Variants in IGF1 observed in about 807,000 individuals in gnomAD.
The protein encoded by IGF1 is insulin-like growth factor 1.
A neutral mutation model predicts 13.8 loss-of-function variants in IGF1; 4 were observed. That is an observed-to-expected ratio of 0.29 (90% confidence interval 0.14 to 0.66). IGF1 has a LOEUF of 0.66. Among genes scored for constraint, IGF1 ranks in the 30% least tolerant of loss-of-function variants. The probability of loss-of-function intolerance (pLI) is 0.78; values close to 1 mark genes in which losing one functional copy is unlikely to be tolerated. For synonymous variants in IGF1, 76 were observed against 72.6 expected (o/e 1.05, Z -0.23); for missense variants, 124 against 188.5 (o/e 0.66, Z 2.00).
rs186362454 is a variant in IGF1, at chr12:102,440,550, T to G, written c.221-20860A>C. On this transcript the variant is annotated intron_variant, in intron 2 of 3. Coordinates refer to ENST00000337514, the MANE Select transcript of IGF1 (RefSeq NM_000618.5). ...GACTAAAATCCAGGCCTCTGGCTCC[T>G]TATTCTACACTGTCTCCTTGCTACC... Among the ~76,000 whole-genome samples, 45 of 152,316 alleles carry G rather than the reference T, an allele frequency of 3.0e-4. No individual in the cohort carries two copies. The East Asian group carries it at 7.3e-3, about 25-fold the overall frequency.
intron 2 of IGF1, among the ~76,000 whole-genome samples, chr12:102,468,886 G>C (rs1320640269): frequency 6.6e-6 from 1 of 152,212 alleles, no homozygotes; most frequent in East Asian, 1.9e-4. Flanking sequence ...CACTGTGTCT[G>C]AATCTGTGGT....
intron 2 of IGF1, among the ~76,000 whole-genome samples, chr12:102,426,769 G>C (rs1876241277): frequency 6.6e-6 from 1 of 152,214 alleles, no homozygotes; most frequent in South Asian, 2.1e-4. Context: ...CCTGGGATGA[G>C]TGTGGTGAAA....
intron 2 of IGF1, among the ~76,000 whole-genome samples, chr12:102,429,224 A>T (rs942756497): frequency 2.0e-5 from 3 of 152,092 alleles, no homozygotes; most frequent in Admixed American, 2.0e-4. Context: ...GACTCATCAG[A>T]CCATTATTTC....
At position 102,419,709 on chromosome 12, in the gene IGF1, G is replaced by A. The variant is rs780475533; in HGVS notation, c.221-19C>T. ...GGCTTGTCTGCACAAATCAAACAGA[G>A]TGGCCTCATGTTAGGGTGCAATCTG... On this transcript the variant is annotated intron_variant, in intron 2 of 3. Transcript: ENST00000337514. 2 of 1,609,428 alleles carry A rather than the reference G, an allele frequency of 1.2e-6. No homozygotes were observed. Among genetic ancestry groups the A allele is most frequent in the South Asian group, 2.2e-5 (2 of 91,044 alleles).
At chr12:102,478,715 A>G in intron 1 of IGF1, 1 of 1,220,022 alleles carries the variant, frequency 8.2e-7, no homozygotes, top group East Asian at 2.8e-5. Flanking sequence ...CACAGCTGGG[A>G]TTTAAGTCAA....
intron 2 of IGF1, among the ~76,000 whole-genome samples, chr12:102,470,203 G>A (rs918489586): frequency 7.2e-5 from 11 of 152,170 alleles, no homozygotes; most frequent in African/African-American, 2.7e-4. Flanking sequence ...TTTTACAGAT[G>A]AGAAAATTGA....
intron 2 of IGF1, among the ~76,000 whole-genome samples, chr12:102,466,968 A>G (rs1488795876): frequency 6.6e-6 from 1 of 152,182 alleles, no homozygotes. Flanking sequence ...GGTTGGGGAT[A>G]GGTTCAGCAA....
intron 2 of IGF1, among the ~76,000 whole-genome samples, chr12:102,444,063 G>C (rs1012728676): frequency 6.6e-6 from 1 of 151,882 alleles, no homozygotes; most frequent in Non-Finnish European, 1.5e-5. Context: ...CTGACCTCAA[G>C]TGATCCGCCT....
chr12:102,462,068 A>G (rs1012440164), intron 2 of IGF1, among the ~76,000 whole-genome samples: 1 of 152,150 alleles, frequency 6.6e-6, no homozygotes, highest in Non-Finnish European at 1.5e-5. Context: ...CTGACTCTGC[A>G]TTTCTAAAAA....
intron 3 of IGF1, among the ~76,000 whole-genome samples, chr12:102,407,134 A>AAAAAAAAAAAC (rs1874235011): frequency 9.1e-6 from 1 of 109,996 alleles, no homozygotes; most frequent in Non-Finnish European, 1.9e-5. Context: ...AAAAAAAAAA[A>AAAAAAAAAAAC]GATCACTGAG....
chr12:102,423,252 A>G (rs910043900), intron 2 of IGF1: 2 of 114,406 alleles, frequency 1.7e-5, no homozygotes, highest in African/African-American at 6.7e-5. Context: ...TCCTTACTCG[A>G]TGCTACGAAA....
At chr12:102,430,681 T>G (rs1268066938) in intron 2 of IGF1, among the ~76,000 whole-genome samples, 1 of 152,246 alleles carries the variant, frequency 6.6e-6, no homozygotes, top group Non-Finnish European at 1.5e-5. Context: ...TGCTAATTTA[T>G]TTTTCTTCTC....
intron 2 of IGF1, among the ~76,000 whole-genome samples, chr12:102,433,961 A>G (rs1297268267): frequency 6.6e-6 from 1 of 152,136 alleles, no homozygotes; most frequent in Admixed American, 6.5e-5. Context: ...CACCCTCCTT[A>G]GCATCATTAT....
intron 2 of IGF1, among the ~76,000 whole-genome samples, chr12:102,461,822 C>CAT (rs1879920922): frequency 2.0e-5 from 3 of 152,156 alleles, no homozygotes; most frequent in African/African-American, 7.2e-5. Context: ...AGTGAATCAG[C>CAT]ATATATATTG....
At chr12:102,470,931 G>A (rs1880647420) in intron 2 of IGF1, among the ~76,000 whole-genome samples, 1 of 152,192 alleles carries the variant, frequency 6.6e-6, no homozygotes, top group South Asian at 2.1e-4. Context: ...TCACAGTCAG[G>A]AGAGTGAGAG....
intron 3 of IGF1, among the ~76,000 whole-genome samples, chr12:102,404,515 T>G (rs981950471): frequency 4.6e-5 from 7 of 152,110 alleles, no homozygotes; most frequent in African/African-American, 1.7e-4. Context: ...TTGTACTGAC[T>G]GAGTAGAAGG....
intron 2 of IGF1, among the ~76,000 whole-genome samples, chr12:102,432,260 A>G (rs1413409501): frequency 1.3e-5 from 2 of 152,220 alleles, no homozygotes; most frequent in East Asian, 1.9e-4. Flanking sequence ...TTTACTGAGT[A>G]GATATGCCAT....
At chr12:102,431,178 T>C (rs533654316) in intron 2 of IGF1, among the ~76,000 whole-genome samples, 1 of 152,318 alleles carries the variant, frequency 6.6e-6, no homozygotes, top group East Asian at 1.9e-4. Flanking sequence ...ACCACACTAC[T>C]AGGCTTGAAG....
At chr12:102,470,647 C>A (rs1019731) in intron 2 of IGF1, among the ~76,000 whole-genome samples, 15,317 of 152,190 alleles carry the variant, frequency 0.1, 1,073 homozygotes, top group Admixed American at 0.19. Flanking sequence ...GTACCCCTAA[C>A]TTTGACCAGC....
Sources: gnomAD v4.1 joint callset for allele counts (sites outside exome capture counted in the v4.1 genomes callset) on GRCh38, gnomAD v4.1.1 for gene constraint, MANE v1.5 for transcripts, NCBI Gene and HGNC (gene_info 2026-07-23, HGNC 2026-07-21) for gene names.